SEH1L: variants seen among roughly 807,000 people sequenced by gnomAD.
SEH1L encodes SEH1 like nucleoporin, also known as nucleoporin SEH1.
A neutral mutation model predicts 49.5 loss-of-function variants in SEH1L; 18 were observed. The ratio of observed to expected loss-of-function variants is 0.36; its 90% CI spans 0.25 to 0.54. The LOEUF is 0.54. Ranked by LOEUF, SEH1L falls within the 20% of genes least tolerant of loss-of-function variation. The pLI, the probability that SEH1L is intolerant of heterozygous loss-of-function variation, is 0.87. For synonymous variants in SEH1L, 169 were observed against 178.1 expected, an observed-to-expected ratio of 0.95 and a Z score of 0.41; for missense variants, 404 against 528.8, an observed-to-expected ratio of 0.76 and a Z score of 2.31.
Position 12,948,182 on chromosome 18 carries a change from G to C in SEH1L, c.61G>C (p.Asp21His), listed in dbSNP as rs960590531. ...HKDLIHDVSF[D>H]FHGRRMATCS... ...GGATCTCATCCACGATGTCTCTTTC[G>C]ACTTCCACGGGCGGCGGATGGCAAC... Residue 21 changes from aspartate (D) to histidine (H), a missense_variant, in exon 1 of 9, where the codon GAC becomes CAC. Physicochemically the swap from Asp to His is moderately conservative, Grantham distance 81 (BLOSUM62 -1). Coordinates refer to ENST00000399892, the MANE Select transcript of SEH1L (RefSeq NM_001013437.2). The C allele has an allele frequency of 6.2e-7, 1 of 1,612,096 alleles. No homozygotes were observed. Among genetic ancestry groups the C allele is most frequent in the Non-Finnish European group, 8.5e-7 (1 of 1,179,428 alleles).
At chr18:12,979,877 A>AC (rs1347858972) in intron 6 of SEH1L, among the ~76,000 whole-genome samples, 16 of 130,808 alleles carry the variant, frequency 1.2e-4, no homozygotes, top group South Asian at 2.5e-4. Context: ...CGGGGGGCTG[A>AC]CCCCCCCACC....
rs1457950783 is a variant in SEH1L, at chr18:12,980,645, G to A, written c.761+1753G>A. On this transcript the variant is annotated intron_variant, in intron 6 of 8. Transcript: ENST00000399892. ...CTCTCTTCCCAGTAGGGGCGGCCGG[G>A]CAGAGGCGCCCCTCACCTCCCAGAC... is the stretch of plus-strand genomic sequence containing the variant. Among the ~76,000 whole-genome samples the A allele has an allele frequency of 4.5e-4, 61 of 136,496 alleles. 1 individual carries two copies. The highest frequency in any genetic ancestry group is 8.6e-4 in the Non-Finnish European group (54 of 62,530). 89.5% of individuals were successfully genotyped at this position (136,496 alleles called of 152,430 possible). A position where few individuals can be genotyped will look rare whatever the true frequency, so the allele number is the denominator to read the frequency against.
intron 6 of SEH1L, among the ~76,000 whole-genome samples, chr18:12,980,370 G>A (rs865948032): frequency 8.1e-6 from 1 of 123,446 alleles, no homozygotes; most frequent in Non-Finnish European, 1.7e-5. Flanking sequence ...AGGGCGGGGG[G>A]CTGACCCCCC....
intron 6 of SEH1L, among the ~76,000 whole-genome samples, chr18:12,982,108 T>C (rs1301667940): frequency 1.3e-5 from 2 of 152,154 alleles, no homozygotes; most frequent in Non-Finnish European, 2.9e-5. Context: ...TCAAGTGATC[T>C]GTCCACCTTG....
At chr18:12,951,451 C>T (rs539675483) in intron 1 of SEH1L, among the ~76,000 whole-genome samples, 64 of 152,264 alleles carry the variant, frequency 4.2e-4, no homozygotes, top group Non-Finnish European at 6.0e-4. Context: ...AGTGCAGTGG[C>T]GTGATGTCAG....
chr18:12,971,313 T>A, intron 5 of SEH1L, 62 bp downstream of exon 5: 1 of 1,094,092 alleles, frequency 9.1e-7, no homozygotes, highest in South Asian at 1.3e-5. Flanking sequence ...AAAATGTTAT[T>A]TCTTTATTCA....
intron 6 of SEH1L, among the ~76,000 whole-genome samples, chr18:12,981,729 G>A (rs1251543054): frequency 6.6e-6 from 1 of 151,834 alleles, no homozygotes; most frequent in African/African-American, 2.4e-5. Flanking sequence ...AGTCTATTTA[G>A]GGAAAACTAA....
chr18:12,969,586 G>A (rs1266439164), intron 4 of SEH1L, among the ~76,000 whole-genome samples: 1 of 152,002 alleles, frequency 6.6e-6, no homozygotes. Context: ...CACTTGGGAG[G>A]CCGAGGCACG....
chr18:12,968,050 A>G (rs1054565338), intron 4 of SEH1L, among the ~76,000 whole-genome samples: 8 of 152,158 alleles, frequency 5.3e-5, no homozygotes, highest in South Asian at 2.1e-4. Flanking sequence ...CTCAAATATC[A>G]GTTCTTTTCG....
At chr18:12,968,220 C>A (rs572921569) in intron 4 of SEH1L, among the ~76,000 whole-genome samples, 1 of 152,280 alleles carries the variant, frequency 6.6e-6, no homozygotes, top group Admixed American at 6.5e-5. Context: ...ACAACTTACT[C>A]TCTCAACTAG....
Position 12,948,044 on chromosome 18 carries a change from TG to T in SEH1L, c.-76del. ...CCGTGCGCTCCCGGGCTGCGAGGTC[TG>T]GCTAGGCTACGGGCCACGCGCCGCC... On this transcript the variant is annotated 5_prime_UTR_variant, in exon 1 of 9. Coordinates refer to ENST00000399892, the MANE Select transcript of SEH1L (RefSeq NM_001013437.2). 1 of 1,082,116 alleles carries T rather than the reference TG, an allele frequency of 9.2e-7. No homozygotes were observed. Among genetic ancestry groups the T allele is most frequent in the Non-Finnish European group, 1.4e-6 (1 of 735,002 alleles). 67.0% of individuals were successfully genotyped at this position (1,082,116 alleles called of 1,614,324 possible). A position where few individuals can be genotyped will look rare whatever the true frequency, so the allele number is the denominator to read the frequency against.
Position 12,984,169 on chromosome 18 carries a change from T to G in SEH1L, c.1049T>G (p.Leu350Ter). 1 of 1,613,822 alleles carries G rather than the reference T, an allele frequency of 6.2e-7. No individual in the cohort carries two copies. Among genetic ancestry groups the G allele is most frequent in the South Asian group, 1.1e-5 (1 of 91,052 alleles). Residue 350 changes from leucine (L) to a stop codon, truncating the protein, a stop_gained, in exon 8 of 9, where the codon TTA (leucine) becomes TGA (stop). Transcript: ENST00000399892. LOFTEE classifies it high-confidence loss of function. The part of the protein sequence containing the change: ...GSTIPSLQNS[L>*]NGSSAGRYFF... Reference sequence around the variant, plus strand: ...ACTATTCCAAGTCTTCAGAATTCATTAAATGGATCTTCTGCTGGCAGGTAG... The same window carrying G: ...ACTATTCCAAGTCTTCAGAATTCATGAAATGGATCTTCTGCTGGCAGGTAG...
At chr18:12,957,739 C>T (rs968493761) in intron 3 of SEH1L, among the ~76,000 whole-genome samples, 1 of 152,144 alleles carries the variant, frequency 6.6e-6, no homozygotes, top group African/African-American at 2.4e-5. Context: ...GCTATTACCC[C>T]TCACCTGCCC....
chr18:12,968,591 T>C (rs2031553736), intron 4 of SEH1L, among the ~76,000 whole-genome samples: 1 of 152,222 alleles, frequency 6.6e-6, no homozygotes, highest in South Asian at 2.1e-4. Flanking sequence ...ATACGGACTC[T>C]TTTTTCCTTT....
chr18:12,953,343 A>G (rs993059362), intron 2 of SEH1L, among the ~76,000 whole-genome samples: 8 of 152,174 alleles, frequency 5.3e-5, no homozygotes, highest in Admixed American at 3.9e-4. Context: ...GTGTAGACAT[A>G]TATTTTCATT....
chr18:12,986,128 T>C (rs190427630), intron 8 of SEH1L: 215 of 984,616 alleles, frequency 2.2e-4, no homozygotes, highest in Non-Finnish European at 2.5e-4. Flanking sequence ...CAGCATTCCA[T>C]GTCTCAAGAT....
chr18:12,965,190 T>C (rs2031390981), intron 4 of SEH1L, among the ~76,000 whole-genome samples: 1 of 151,908 alleles, frequency 6.6e-6, no homozygotes, highest in African/African-American at 2.4e-5. Context: ...TTTTTTGTAT[T>C]TTTAGTAGAG....
chr18:12,986,803 G>T (rs200149743), intron 8 of SEH1L, 59 bp from the exon 9 acceptor site: 39 of 1,131,524 alleles, frequency 3.4e-5, no homozygotes, highest in Admixed American at 4.4e-5. Flanking sequence ...TTTTTCTTGT[G>T]TTTTTTTTTT....
In SEH1L at chr18:12,971,315, C is replaced by G. The variant is rs370888540; in HGVS notation, c.620+64C>G. On this transcript the variant is annotated intron_variant, in intron 5 of 8. Transcript: ENST00000399892. ...CATTTAATTTTTTAAAATGTTATTT[C>G]TTTATTCATTTACAGAATTATGTGT... 13 of 1,073,572 alleles carry G rather than the reference C, an allele frequency of 1.2e-5. No homozygotes were observed. In the African/African-American group the frequency reaches 1.8e-4, roughly 14 times the overall value. 66.5% of individuals were successfully genotyped at this position (1,073,572 alleles called of 1,614,324 possible).
Sources: gnomAD v4.1 joint callset for allele counts (sites outside exome capture counted in the v4.1 genomes callset) on GRCh38, gnomAD v4.1.1 for gene constraint, MANE v1.5 for transcripts, NCBI Gene and HGNC (gene_info 2026-07-23, HGNC 2026-07-21) for gene names.